Variants in WDPCP observed in about 807,000 individuals in gnomAD.
The protein encoded by WDPCP is WD repeat containing planar cell polarity effector.
WDPCP carries 71 observed loss-of-function variants against 93.1 expected under a neutral mutation model. The observed-to-expected ratio is 0.76, with a 90% CI of 0.63 to 0.93. WDPCP has a LOEUF of 0.93. WDPCP is among the 40% of genes least tolerant of loss of function. The probability of loss-of-function intolerance (pLI) is 0.00; values close to 1 mark genes in which losing one functional copy is unlikely to be tolerated. For missense variants in WDPCP, 844 were observed against 887.4 expected (o/e 0.95, Z 0.62); for synonymous variants, 315 against 315.0 (o/e 1.00, Z 0.00).
intron 6 of WDPCP, among the ~76,000 whole-genome samples, chr2:63,454,296 A>T (rs879481088): frequency 6.6e-6 from 1 of 151,782 alleles, no homozygotes; most frequent in Non-Finnish European, 1.5e-5. Context: ...ATAAGTGGGC[A>T]TTGAACAATG....
chr2:63,205,394 T>C (rs1181487215), intron 14 of WDPCP, among the ~76,000 whole-genome samples: 2 of 152,218 alleles, frequency 1.3e-5, no homozygotes, highest in African/African-American at 2.4e-5. Flanking sequence ...ATGGATTGCA[T>C]TGAATATGTA....
intron 3 of WDPCP, among the ~76,000 whole-genome samples, chr2:63,646,545 T>G (rs1710053045): frequency 6.6e-6 from 1 of 152,176 alleles, no homozygotes; most frequent in South Asian, 2.1e-4. Flanking sequence ...TTTTTTTTCT[T>G]TCTGATTTAA....
chr2:63,418,501 G>T (rs1340193444), intron 9 of WDPCP, among the ~76,000 whole-genome samples: 2 of 152,158 alleles, frequency 1.3e-5, no homozygotes, highest in African/African-American at 4.8e-5. Flanking sequence ...CAAACCTCAT[G>T]ATCAAGAATT....
At chr2:63,350,298 A>C (rs757356226) in intron 12 of WDPCP, among the ~76,000 whole-genome samples, 7 of 152,096 alleles carry the variant, frequency 4.6e-5, no homozygotes, top group Non-Finnish European at 1.0e-4. Flanking sequence ...CGGAGGGTGC[A>C]GGGCTGGGGG....
chr2:63,398,439 A>G (rs1365477654), intron 10 of WDPCP, among the ~76,000 whole-genome samples: 2 of 152,184 alleles, frequency 1.3e-5, no homozygotes, highest in East Asian at 3.9e-4. Flanking sequence ...TGACACTTCT[A>G]ATTACCTCCT....
intron 2 of WDPCP, among the ~76,000 whole-genome samples, chr2:63,662,639 C>CAGAGAGAGAGAG (rs3077036): frequency 2.0e-5 from 3 of 147,122 alleles, no homozygotes; most frequent in African/African-American, 7.5e-5. Context: ...TCATCTCTTC[C>CAGAGAGAGAGAG]AGAGAGAGAG....
At chr2:63,374,390 T>C (rs1046368598) in intron 12 of WDPCP, among the ~76,000 whole-genome samples, 3 of 152,190 alleles carry the variant, frequency 2.0e-5, no homozygotes, top group Non-Finnish European at 4.4e-5. Context: ...ATTTTGAATA[T>C]ATTATCTAGC....
intron 9 of WDPCP, among the ~76,000 whole-genome samples, chr2:63,427,172 GATC>G (rs1696389142): frequency 6.6e-6 from 1 of 152,240 alleles, no homozygotes; most frequent in African/African-American, 2.4e-5. Context: ...GCATGTGACA[GATC>G]ATCAAGGCAG....
chr2:63,593,032 T>C (rs546216167), upstream of WDPCP: 1 of 152,292 alleles, frequency 6.6e-6, no homozygotes, highest in African/African-American at 2.4e-5. Flanking sequence ...AATTGTGTAG[T>C]ATGTAGTTGG....
intron 14 of WDPCP, among the ~76,000 whole-genome samples, chr2:63,231,384 C>G (rs1437516584): frequency 6.6e-6 from 1 of 152,146 alleles, no homozygotes; most frequent in African/African-American, 2.4e-5. Context: ...AAGAGGAAGT[C>G]AAATTGTCCC....
chr2:63,738,999 C>CT (rs1163842586), intron 2 of WDPCP, among the ~76,000 whole-genome samples: 1 of 152,020 alleles, frequency 6.6e-6, no homozygotes, highest in African/African-American at 2.4e-5. Flanking sequence ...ATGTGTCTGG[C>CT]TTTTTTTGAT....
intron 1 of WDPCP, among the ~76,000 whole-genome samples, chr2:63,573,404 C>T (rs1707685835): frequency 6.6e-6 from 1 of 152,170 alleles, no homozygotes; most frequent in South Asian, 2.1e-4. Flanking sequence ...TTATTAGTTC[C>T]CCAAATTAAT....
chr2:63,235,046 TAAACGAA>T (rs1679264475), intron 14 of WDPCP, among the ~76,000 whole-genome samples: 1 of 151,944 alleles, frequency 6.6e-6, no homozygotes, highest in South Asian at 2.1e-4. Flanking sequence ...ATATAAAGGA[TAAACGAA>T]AAGTTGGTTC....
chr2:63,179,483 C>G (rs1169897912), intron 14 of WDPCP, among the ~76,000 whole-genome samples: 1 of 151,934 alleles, frequency 6.6e-6, no homozygotes, highest in Non-Finnish European at 1.5e-5. Context: ...GGCACCTCCC[C>G]CTTCTCTTTC....
At chr2:63,555,665 G>C (rs1706057533) in intron 1 of WDPCP, among the ~76,000 whole-genome samples, 1 of 152,202 alleles carries the variant, frequency 6.6e-6, no homozygotes, top group African/African-American at 2.4e-5. Context: ...TTGTTGTTCT[G>C]CAGCCTCCAC....
At chr2:63,588,562 C>G (rs1709045637), upstream of WDPCP, 1 of 565,110 alleles carries the variant, frequency 1.8e-6, no homozygotes, top group Non-Finnish European at 3.2e-6. Context: ...CGGAAGGTCT[C>G]TTTACCTCCC....
chr2:63,314,044 A>G (rs1382156210), intron 12 of WDPCP, among the ~76,000 whole-genome samples: 1 of 149,854 alleles, frequency 6.7e-6, no homozygotes, highest in Non-Finnish European at 1.5e-5. Context: ...ATGCCCAGCT[A>G]ATTTTTGTAT....
intron 2 of WDPCP, among the ~76,000 whole-genome samples, chr2:63,787,218 G>T (rs998002769): frequency 6.6e-6 from 1 of 152,230 alleles, no homozygotes; most frequent in African/African-American, 2.4e-5. Flanking sequence ...GAAGAATCTA[G>T]AAGGACAGAG....
intron 9 of WDPCP, among the ~76,000 whole-genome samples, chr2:63,411,384 T>C (rs1015466192): frequency 2.0e-5 from 3 of 152,042 alleles, no homozygotes; most frequent in African/African-American, 7.2e-5. Flanking sequence ...GCAAAGGTGG[T>C]GCTAAGAGGA....
Sources: gnomAD v4.1 joint callset for allele counts (sites outside exome capture counted in the v4.1 genomes callset) on GRCh38, gnomAD v4.1.1 for gene constraint, MANE v1.5 for transcripts, NCBI Gene and HGNC (gene_info 2026-07-23, HGNC 2026-07-21) for gene names.